CFAP57: variants seen among roughly 807,000 people sequenced by gnomAD.
CFAP57 encodes the protein cilia and flagella associated protein 57, also known as cilia- and flagella-associated protein 57.
In CFAP57, 116 loss-of-function variants were observed where a neutral mutation model predicts 146.8. The ratio of observed to expected loss-of-function variants is 0.79; its 90% CI spans 0.68 to 0.92. The LOEUF (loss-of-function observed/expected upper bound fraction) is 0.92. Among genes scored for constraint, CFAP57 ranks in the 40% least tolerant of loss-of-function variants. CFAP57 has a pLI of 0.00. For missense variants in CFAP57, 1,377 were observed against 1,527.2 expected (o/e 0.90, Z 1.64); for synonymous variants, 518 against 552.8 (o/e 0.94, Z 0.88).
At chr1:43,223,932 T>C in intron 16 of CFAP57, 114 bp from the exon 17 acceptor site, 1 of 1,240,700 alleles carries the variant, frequency 8.1e-7, no homozygotes, top group Non-Finnish European at 1.1e-6. Context: ...TGCTAAGTGT[T>C]TTCAGTCCAC....
chr1:43,244,480 T>C (rs975741034), intron 22 of CFAP57, among the ~76,000 whole-genome samples: 2 of 152,204 alleles, frequency 1.3e-5, no homozygotes, highest in Admixed American at 1.3e-4. Context: ...TGTATATGTA[T>C]ATAATTTTGT....
chr1:43,236,093 C>T (rs1416449918), intron 21 of CFAP57, among the ~76,000 whole-genome samples: 3 of 152,024 alleles, frequency 2.0e-5, no homozygotes, highest in African/African-American at 7.3e-5. Flanking sequence ...GCCTCCTGCC[C>T]AGCCCTGCCA....
At chr1:43,186,241 CA>C (rs1425654955) in intron 5 of CFAP57, among the ~76,000 whole-genome samples, 1 of 151,690 alleles carries the variant, frequency 6.6e-6, no homozygotes, top group African/African-American at 2.4e-5. Flanking sequence ...GACCCTCTCT[CA>C]AAAAAACAAA....
chr1:43,249,499 G>A (rs1368601872), intron 22 of CFAP57, among the ~76,000 whole-genome samples: 8 of 127,150 alleles, frequency 6.3e-5, no homozygotes, highest in Admixed American at 3.8e-4. Flanking sequence ...GCGCGATCTC[G>A]GCTCACTGCA....
chr1:43,199,325 AC>A, intron 8 of CFAP57, 64 bp from the exon 9 acceptor site: 1 of 1,504,768 alleles, frequency 6.6e-7, no homozygotes, highest in Non-Finnish European at 9.3e-7. Flanking sequence ...GCACCTCTTG[AC>A]TGTAACCTCT....
chr1:43,183,276 C>G (rs1245850233), intron 3 of CFAP57, among the ~76,000 whole-genome samples: 1 of 152,190 alleles, frequency 6.6e-6, no homozygotes, highest in Non-Finnish European at 1.5e-5. Flanking sequence ...CTATCAGACC[C>G]TCTTTTTCTG....
At position 43,254,192 on chromosome 1, in the gene CFAP57, C is replaced by G. The variant is rs1202533194; in HGVS notation, c.*1C>G. The G allele has an allele frequency of 6.5e-7, 1 of 1,545,794 alleles. No homozygotes were observed. Among genetic ancestry groups the G allele is most frequent in the Admixed American group, 2.0e-5 (1 of 50,780 alleles). ...AGACTTAGAGGTGAAGACCAACTGA[C>G]CCCCTCTGGTGAGCCATCTCCAGCC... On this transcript the variant is annotated 3_prime_UTR_variant, in exon 23 of 23. Transcript: ENST00000372492.
In CFAP57 at chr1:43,215,313, T is replaced by G; in HGVS notation, c.1988T>G (p.Phe663Cys). The change falls in exon 12 of 23, where the codon TTC becomes TGC. Residue 663 changes from phenylalanine (F) to cysteine (C), a missense_variant. Phe to Cys is a radical substitution (Grantham distance 205, BLOSUM62 -2). Coordinates refer to ENST00000372492, the MANE Select transcript of CFAP57 (RefSeq NM_001378189.1). Reference protein sequence around the residue: ...LLTAAEDGCLFTWKVFDKDGR... With the variant: ...LLTAAEDGCLCTWKVFDKDGR... ...ACTGCTGCTGAGGATGGCTGCCTGT[T>G]CACCTGGAAGGTCTTTGATAAGGAT... The G allele has an allele frequency of 6.4e-7, 1 of 1,551,372 alleles. No homozygotes were observed. Among genetic ancestry groups the G allele is most frequent in the Non-Finnish European group, 8.7e-7 (1 of 1,147,142 alleles).
intron 17 of CFAP57, 86 bp from the exon 18 acceptor site, chr1:43,226,897 A>T: frequency 7.2e-7 from 1 of 1,388,350 alleles, no homozygotes; most frequent in Non-Finnish European, 9.4e-7. Context: ...CAGGAGAGTC[A>T]CAGGCTTCGT....
chr1:43,176,319 G>A (rs372803237), intron 2 of CFAP57, among the ~76,000 whole-genome samples: 2 of 152,182 alleles, frequency 1.3e-5, no homozygotes, highest in East Asian at 1.9e-4. Context: ...AAGGGGTACA[G>A]CCAGAGAAAG....
Position 43,221,376 on chromosome 1 carries a change from T to C in CFAP57, c.2252T>C (p.Leu751Ser), listed in dbSNP as rs1256984999. Residue 751 changes from leucine to serine, a missense_variant, in exon 14 of 23, where the codon TTA becomes TCA. Physicochemically the swap from Leu to Ser is moderately radical, Grantham distance 145. Transcript: ENST00000372492. ...MESLKTKNQV[L>S]RTEKEKQDVY... The stretch of plus-strand genomic sequence containing the variant: ...GGAAATGTGACTCTGTTTTAGGTCT[T>C]AAGAACAGAAAAAGAGAAGCAGGAT... 1 of 1,542,124 alleles carries C rather than the reference T, an allele frequency of 6.5e-7. No individual in the cohort carries two copies. The highest frequency in any genetic ancestry group is 8.8e-7 in the Non-Finnish European group (1 of 1,142,402).
intron 12 of CFAP57, among the ~76,000 whole-genome samples, chr1:43,216,667 T>C (rs962137100): frequency 1.3e-5 from 2 of 152,128 alleles, no homozygotes; most frequent in African/African-American, 4.8e-5. Flanking sequence ...GTGACCACAC[T>C]CTGTTCCCTG....
intron 12 of CFAP57, 151 bp from the exon 13 acceptor site, chr1:43,219,231 G>A: frequency 1.2e-6 from 1 of 809,780 alleles, no homozygotes; most frequent in East Asian, 2.7e-5. Context: ...TAGCTGATGT[G>A]CCTTCTGGGG....
At chr1:43,210,153 A>G in intron 11 of CFAP57, 1 of 1,587,546 alleles carries the variant, frequency 6.3e-7, no homozygotes, top group South Asian at 1.1e-5. Context: ...CAACGTTTTC[A>G]CCATAATATT....
intron 9 of CFAP57, among the ~76,000 whole-genome samples, chr1:43,203,666 G>T (rs1352164770): frequency 6.6e-6 from 1 of 151,998 alleles, no homozygotes; most frequent in Non-Finnish European, 1.5e-5. Flanking sequence ...TCACCATTTT[G>T]GCCAGGATGG....
intron 9 of CFAP57, chr1:43,206,406 A>G: frequency 3.2e-6 from 1 of 308,836 alleles, no homozygotes; most frequent in Non-Finnish European, 6.1e-6. Context: ...TGAATACATA[A>G]TTATTTCAAA....
chr1:43,183,899 G>A, intron 4 of CFAP57, 22 bp downstream of exon 4: 1 of 1,612,954 alleles, frequency 6.2e-7, no homozygotes, highest in South Asian at 1.1e-5. Context: ...TCCTGGGCTG[G>A]TGCTCCCACA....
Position 43,219,383 on chromosome 1 carries a change from C to T in CFAP57, c.2093C>T (p.Ala698Val). 6.5e-7 allele frequency: 1 copy of T among 1,549,196 alleles called. No individual in the cohort carries two copies. The highest frequency in any genetic ancestry group is 8.7e-7 in the Non-Finnish European group (1 of 1,146,040). Reference protein sequence around the residue: ...LVTKTDMEEKAQVMLELKTRV... With the variant: ...LVTKTDMEEKVQVMLELKTRV... ...GATCCTTCTGTCCTTCTCCCAAAGG[C>T]TCAGGTTATGTTGGAGCTAAAGACT... Residue 698 changes from alanine to valine, a missense_variant and splice_region_variant, in exon 13 of 23, where the codon GCT (alanine) becomes GTT (valine). Physicochemically the swap from Ala to Val is moderately conservative, Grantham distance 64 (BLOSUM62 0). Transcript: ENST00000372492.
At chr1:43,212,535 C>T (rs565464230) in intron 11 of CFAP57, among the ~76,000 whole-genome samples, 49 of 152,268 alleles carry the variant, frequency 3.2e-4, no homozygotes, top group Non-Finnish European at 6.5e-4. Flanking sequence ...TTTATGATTT[C>T]TGTGTGTTGG....
Sources: allele counts gnomAD v4.1 joint callset (sites outside exome capture counted in the v4.1 genomes callset), GRCh38; gene constraint gnomAD v4.1.1; transcripts MANE v1.5; gene names NCBI Gene and HGNC (gene_info 2026-07-23, HGNC 2026-07-21).